Variants in DACH1 observed in about 807,000 individuals in gnomAD.
DACH1 encodes the protein dachshund family transcription factor 1, also known as dachshund homolog 1.
A neutral mutation model predicts 54.2 loss-of-function variants in DACH1; 12 were observed. The ratio of observed to expected loss-of-function variants is 0.22; its 90% CI spans 0.14 to 0.36. DACH1 has a LOEUF of 0.36. Ranked by LOEUF, DACH1 falls within the 10% of genes least tolerant of loss-of-function variation. The pLI is 1.00. For missense variants in DACH1, 805 were observed against 929.8 expected, an observed-to-expected ratio of 0.87 and a Z score of 1.75; for synonymous variants, 386 against 366.2, an observed-to-expected ratio of 1.05 and a Z score of -0.62.
At chr13:71,473,309 T>C (rs996960493) in intron 10 of DACH1, among the ~76,000 whole-genome samples, 2 of 152,236 alleles carry the variant, frequency 1.3e-5, no homozygotes, top group Admixed American at 6.5e-5. Flanking sequence ...ATAATTGTTG[T>C]ACAAATGTTT....
At chr13:71,479,498 C>T (rs887009458) in intron 7 of DACH1, among the ~76,000 whole-genome samples, 182 bp from the exon 8 acceptor site, 9 of 152,160 alleles carry the variant, frequency 5.9e-5, no homozygotes, top group African/African-American at 2.2e-4. Flanking sequence ...TCTAATTAAA[C>T]TATTTTCGGA....
At chr13:71,653,166 T>A (rs7329330) in intron 2 of DACH1, among the ~76,000 whole-genome samples, 1 of 151,962 alleles carries the variant, frequency 6.6e-6, no homozygotes, top group Non-Finnish European at 1.5e-5. Flanking sequence ...ACAAAATTCA[T>A]CCCCATTTCC....
chr13:71,443,045 T>TTA (rs1321268906), intron 10 of DACH1, among the ~76,000 whole-genome samples: 3 of 148,444 alleles, frequency 2.0e-5, no homozygotes, highest in Non-Finnish European at 3.0e-5. Flanking sequence ...AGATATTGAA[T>TTA]TATATATATA....
At chr13:71,610,608 A>G (rs957000717) in intron 3 of DACH1, among the ~76,000 whole-genome samples, 1 of 152,190 alleles carries the variant, frequency 6.6e-6, no homozygotes, top group Non-Finnish European at 1.5e-5. Flanking sequence ...ACACAAAAAC[A>G]TATCATATGA....
intron 6 of DACH1, among the ~76,000 whole-genome samples, chr13:71,520,454 T>G (rs1881514079): frequency 6.6e-6 from 1 of 150,782 alleles, no homozygotes; most frequent in Admixed American, 6.7e-5. Flanking sequence ...TAATGAAGAC[T>G]TTTGAGAAAA....
chr13:71,670,888 C>A (rs1880168294), intron 2 of DACH1, among the ~76,000 whole-genome samples: 1 of 151,734 alleles, frequency 6.6e-6, no homozygotes, highest in African/African-American at 2.4e-5. Context: ...AATGAAGAAT[C>A]AAAAAAATTT....
chr13:71,585,629 G>A (rs1338790818), intron 3 of DACH1, among the ~76,000 whole-genome samples: 2 of 152,086 alleles, frequency 1.3e-5, no homozygotes, highest in Non-Finnish European at 2.9e-5. Flanking sequence ...CTAGAGGAGA[G>A]AACACATATT....
At chr13:71,820,105 G>GAAAAAAAAAA (rs59126150) in intron 1 of DACH1, among the ~76,000 whole-genome samples, 2 of 54,120 alleles carry the variant, frequency 3.7e-5, no homozygotes, top group African/African-American at 6.4e-5. Flanking sequence ...TGCCTCTACC[G>GAAAAAAAAAA]AAAAAAAAAA....
At chr13:71,825,787 C>T (rs1266527795) in intron 1 of DACH1, among the ~76,000 whole-genome samples, 1 of 151,986 alleles carries the variant, frequency 6.6e-6, no homozygotes, top group Non-Finnish European at 1.5e-5. Flanking sequence ...TTTAGGTAGA[C>T]ATATATTTAT....
chr13:71,440,435 A>G lies in DACH1; in HGVS notation c.*220T>C. 1 of 466,644 alleles carries G rather than the reference A, an allele frequency of 2.1e-6. No individual in the cohort carries two copies. Among genetic ancestry groups the G allele is most frequent in the South Asian group, 2.8e-5 (1 of 35,552 alleles). 28.9% of individuals were successfully genotyped at this position (466,644 alleles called of 1,614,324 possible). The stretch of plus-strand genomic sequence containing the variant: ...ACTGTAAGAACTTTGATACTTGTAC[A>G]TTTACAAACATTCTCAGGTCTCTGG... On this transcript the variant is annotated 3_prime_UTR_variant, in exon 11 of 11. Coordinates refer to ENST00000613252, the MANE Select transcript of DACH1 (RefSeq NM_080759.6).
At chr13:71,836,925 A>G (rs1410998153) in intron 1 of DACH1, among the ~76,000 whole-genome samples, 1 of 152,018 alleles carries the variant, frequency 6.6e-6, no homozygotes, top group Non-Finnish European at 1.5e-5. Context: ...CAAAACACCT[A>G]GAAGAAATGC....
chr13:71,712,038 T>A (rs1488564458), intron 1 of DACH1, among the ~76,000 whole-genome samples: 1 of 152,138 alleles, frequency 6.6e-6, no homozygotes, highest in Non-Finnish European at 1.5e-5. Flanking sequence ...AAGATTCATC[T>A]GTTATCTTGG....
At chr13:71,791,056 C>G (rs929468023) in intron 1 of DACH1, among the ~76,000 whole-genome samples, 2 of 152,176 alleles carry the variant, frequency 1.3e-5, no homozygotes, top group African/African-American at 2.4e-5. Flanking sequence ...GAAACCCTGA[C>G]ATGACAACGA....
chr13:71,600,577 A>T (rs967833691), intron 3 of DACH1, among the ~76,000 whole-genome samples: 3 of 152,028 alleles, frequency 2.0e-5, no homozygotes, highest in Non-Finnish European at 4.4e-5. Flanking sequence ...AAATCATTTT[A>T]TATATAAAAT....
At chr13:71,849,494 C>A (rs1045709456) in intron 1 of DACH1, among the ~76,000 whole-genome samples, 11 of 152,166 alleles carry the variant, frequency 7.2e-5, no homozygotes, top group Non-Finnish European at 1.6e-4. Context: ...ATCAGCCAGG[C>A]AGTCAATGTG....
At chr13:71,586,430 A>C (rs1286077303) in intron 3 of DACH1, among the ~76,000 whole-genome samples, 1 of 152,198 alleles carries the variant, frequency 6.6e-6, no homozygotes, top group African/African-American at 2.4e-5. Context: ...TATTGGTGCA[A>C]AGTGTATATC....
chr13:71,594,517 TA>T (rs1449369049), intron 3 of DACH1, among the ~76,000 whole-genome samples: 1 of 152,130 alleles, frequency 6.6e-6, no homozygotes, highest in Non-Finnish European at 1.5e-5. Flanking sequence ...AGACCAGCCA[TA>T]AAATTCAATT....
At chr13:71,851,337 T>C (rs576642505) in intron 1 of DACH1, among the ~76,000 whole-genome samples, 2 of 152,312 alleles carry the variant, frequency 1.3e-5, no homozygotes, top group Non-Finnish European at 2.9e-5. Context: ...CATTTTATAA[T>C]TTACATTATA....
chr13:71,659,599 C>G (rs1879364083), intron 2 of DACH1, among the ~76,000 whole-genome samples: 1 of 152,130 alleles, frequency 6.6e-6, no homozygotes, highest in Non-Finnish European at 1.5e-5. Flanking sequence ...TTAACAACTT[C>G]TGAGTTATAA....
Sources: gnomAD v4.1 joint callset for allele counts (sites outside exome capture counted in the v4.1 genomes callset) on GRCh38, gnomAD v4.1.1 for gene constraint, MANE v1.5 for transcripts, NCBI Gene and HGNC (gene_info 2026-07-23, HGNC 2026-07-21) for gene names.